PCDHGB4: variants seen among roughly 807,000 people sequenced by gnomAD.
The protein encoded by PCDHGB4 is protocadherin gamma-B4.
A neutral mutation model predicts 60.5 loss-of-function variants in PCDHGB4; 38 were observed. That is an observed-to-expected ratio of 0.63 (90% CI 0.48 to 0.82). The LOEUF is 0.82. Ranked by LOEUF, PCDHGB4 falls within the 40% of genes least tolerant of loss-of-function variation. The pLI is 0.00. For synonymous variants in PCDHGB4, 456 were observed against 509.7 expected (o/e 0.89, Z 1.42); for missense variants, 1,109 against 1,209.6 (o/e 0.92, Z 1.23).
chr5:141,509,303 G>A (rs911736752), intron 3 of PCDHGB4, among the ~76,000 whole-genome samples: 1 of 152,210 alleles, frequency 6.6e-6, no homozygotes, highest in Admixed American at 6.5e-5. Context: ...GGAGGCAGAG[G>A]GAGGCTGGGA....
chr5:141,409,060 G>C (rs1464240645), intron 1 of PCDHGB4: 1 of 1,614,000 alleles, frequency 6.2e-7, no homozygotes, highest in Non-Finnish European at 8.5e-7. Flanking sequence ...GCACTGCCCA[G>C]AGCACAAAAC....
chr5:141,393,080 G>A (rs747012880), intron 1 of PCDHGB4: 1 of 1,613,694 alleles, frequency 6.2e-7, no homozygotes, highest in Non-Finnish European at 8.5e-7. Flanking sequence ...CCGCGGGCAG[G>A]ATAGATCGGG....
At chr5:141,437,589 T>C (rs929281293) in intron 1 of PCDHGB4, among the ~76,000 whole-genome samples, 10 of 152,306 alleles carry the variant, frequency 6.6e-5, no homozygotes, top group African/African-American at 2.2e-4. Flanking sequence ...ATGAATTGGA[T>C]AGTTCTGGTG....
intron 1 of PCDHGB4, chr5:141,409,404 A>T: frequency 5.0e-6 from 8 of 1,614,046 alleles, no homozygotes; most frequent in Non-Finnish European, 6.8e-6. Flanking sequence ...TCCAATAACT[A>T]CTACAAACTG....
rs747671382 is a variant in PCDHGB4, at chr5:141,444,152, A to ATTTT, written c.2398-50622_2398-50619dup. Among the ~76,000 whole-genome samples the ATTTT allele has an allele frequency of 5.0e-4, 17 of 33,898 alleles. 5 individuals carry two copies. Among genetic ancestry groups the ATTTT allele is most frequent in the African/African-American group, 7.0e-4 (5 of 7,184 alleles). 22.2% of individuals were successfully genotyped at this position (33,898 alleles called of 152,430 possible). ...GATATGTGTCACTTGTGTGTACTGG[A>ATTTT]TTTTTTTTTTTTTTTTTTTTTTTTT... On this transcript the variant is annotated intron_variant, in intron 1 of 3. Transcript: ENST00000519479.
chr5:141,424,655 TTTAA>T (rs1162406206), intron 1 of PCDHGB4: 3 of 152,238 alleles, frequency 2.0e-5, no homozygotes, highest in Non-Finnish European at 4.4e-5. Flanking sequence ...GTATTTGGAC[TTTAA>T]TTAAACTGAT....
At chr5:141,478,322 C>G (rs1360535508) in intron 1 of PCDHGB4, 28 of 1,613,976 alleles carry the variant, frequency 1.7e-5, no homozygotes, top group Non-Finnish European at 2.3e-5. Context: ...CTCACTGTAC[C>G]GAACACCAGG....
At chr5:141,428,095 A>G (rs1361784967) in intron 1 of PCDHGB4, 1 of 1,608,848 alleles carries the variant, frequency 6.2e-7, no homozygotes, top group East Asian at 2.2e-5. Flanking sequence ...TGGCTGTCCT[A>G]CCACGTGCTG....
intron 1 of PCDHGB4, chr5:141,479,355 A>G (rs2099493778): frequency 6.6e-6 from 1 of 152,506 alleles, no homozygotes; most frequent in Non-Finnish European, 1.5e-5. Flanking sequence ...CTTGCTGCTC[A>G]GTGCCTGAGG....
rs1329649336 is a variant in PCDHGB4, at chr5:141,477,589, GCTTT to G, written c.2398-17207_2398-17204del. 2 of 1,614,130 alleles carry G rather than the reference GCTTT, an allele frequency of 1.2e-6. No homozygotes were observed. Among genetic ancestry groups the G allele is most frequent in the South Asian group, 1.1e-5 (1 of 91,086 alleles). ...ACCCCGACGCCCCGCAGAATGCTCGGCTTTCTTTCTTTCTCTTGGAGCAAGGAGC... is the reference window on the plus strand; with the variant it reads ...ACCCCGACGCCCCGCAGAATGCTCGGCTTTCTTTCTCTTGGAGCAAGGAGC... On this transcript the variant is annotated intron_variant, in intron 1 of 3. Coordinates refer to ENST00000519479, the MANE Select transcript of PCDHGB4 (RefSeq NM_003736.4). The surrounding 1 kb of genome is among the most constrained non-coding windows in gnomAD (Gnocchi z 4.9).
At chr5:141,482,382 T>C (rs935517099) in intron 1 of PCDHGB4, among the ~76,000 whole-genome samples, 1 of 152,146 alleles carries the variant, frequency 6.6e-6, no homozygotes, top group Admixed American at 6.6e-5. Context: ...ATAAAGTCCC[T>C]GTATGGAGCA....
At chr5:141,412,441 G>C (rs1334085357) in intron 1 of PCDHGB4, 1 of 152,124 alleles carries the variant, frequency 6.6e-6, no homozygotes, top group African/African-American at 2.4e-5. Flanking sequence ...GTTAATTAAG[G>C]CTCAGTAAAA....
chr5:141,423,546 G>A, intron 1 of PCDHGB4: 1 of 1,613,708 alleles, frequency 6.2e-7, no homozygotes, highest in Non-Finnish European at 8.5e-7. Flanking sequence ...TTTTCCCCCA[G>A]CCCAACTATG....
chr5:141,481,021 GC>G (rs2099529893), intron 1 of PCDHGB4, among the ~76,000 whole-genome samples: 1 of 152,076 alleles, frequency 6.6e-6, no homozygotes, highest in Non-Finnish European at 1.5e-5. Context: ...TCACACCACT[GC>G]ACTCCAGCCT....
In PCDHGB4 at chr5:141,423,390, T is replaced by C. The variant is rs751337994; in HGVS notation, c.2397+33109T>C. ...TGGCACTCAGGCTGTGGCGCTGGCATAAGTCACGCCTGCTGCAGGCTTCTG... is the reference window on the plus strand; with the variant it reads ...TGGCACTCAGGCTGTGGCGCTGGCACAAGTCACGCCTGCTGCAGGCTTCTG... On this transcript the variant is annotated intron_variant, in intron 1 of 3. Coordinates refer to ENST00000519479, the MANE Select transcript of PCDHGB4 (RefSeq NM_003736.4). 2.5e-6 allele frequency: 4 copies of C among 1,614,144 alleles called. No homozygotes were observed. In the South Asian group the frequency reaches 3.3e-5, roughly 13 times the overall value.
At chr5:141,420,223 G>A in intron 1 of PCDHGB4, 2 of 1,604,640 alleles carry the variant, frequency 1.2e-6, no homozygotes, top group Non-Finnish European at 1.7e-6. Context: ...GCATGCTACT[G>A]GCTAGCATTT....
chr5:141,500,148 G>T (rs936567158), intron 2 of PCDHGB4, among the ~76,000 whole-genome samples: 6 of 150,990 alleles, frequency 4.0e-5, no homozygotes, highest in African/African-American at 1.5e-4. Flanking sequence ...ACTTTTCTTT[G>T]TGTAATCAAA....
intron 1 of PCDHGB4, among the ~76,000 whole-genome samples, chr5:141,424,979 T>G (rs565208060): frequency 1.4e-4 from 22 of 152,322 alleles, no homozygotes; most frequent in African/African-American, 4.6e-4. Flanking sequence ...CTTGGATATT[T>G]ATGTTCCCTT....
chr5:141,393,001 G>A (rs775192271), intron 1 of PCDHGB4: 1 of 1,613,908 alleles, frequency 6.2e-7, no homozygotes, highest in South Asian at 1.1e-5. Flanking sequence ...GCGAAGCACG[G>A]AGTCCGTATC....
Sources: gnomAD v4.1 joint callset for allele counts (sites outside exome capture counted in the v4.1 genomes callset) on GRCh38, gnomAD v4.1.1 for gene constraint, Gnocchi (gnomAD v3.1) non-coding constraint, MANE v1.5 for transcripts, NCBI Gene and HGNC (gene_info 2026-07-23, HGNC 2026-07-21) for gene names.